The following TLN2 variants were observed in gnomAD, a reference collection of about 807,000 sequenced individuals.
The protein encoded by TLN2 is talin 2.
Under a neutral mutation model 294.7 loss-of-function variants are expected in TLN2, and 118 were observed. That is an observed-to-expected ratio of 0.40 (90% CI 0.34 to 0.47). The LOEUF (loss-of-function observed/expected upper bound fraction) is 0.47. TLN2 is among the 20% of genes least tolerant of loss of function. TLN2 has a pLI of 0.84. For missense variants in TLN2, 3,083 were observed against 3,282.2 expected (o/e 0.94, Z 1.48); for synonymous variants, 1,431 against 1,304.5 (o/e 1.10, Z -2.09).
intron 57 of TLN2, among the ~76,000 whole-genome samples, chr15:62,837,088 T>C (rs2069761815): frequency 6.6e-6 from 1 of 152,264 alleles, no homozygotes; most frequent in Non-Finnish European, 1.5e-5. Context: ...ATTGTCTGTA[T>C]TGCTAAAAGT....
intron 1 of TLN2, among the ~76,000 whole-genome samples, chr15:62,579,130 A>G (rs2044693777): frequency 1.3e-5 from 2 of 152,138 alleles, no homozygotes; most frequent in African/African-American, 4.8e-5. Flanking sequence ...CAATATACTG[A>G]GAAGAGGAAG....
At chr15:62,639,448 C>T (rs1175726983) in intron 3 of TLN2, among the ~76,000 whole-genome samples, 3 of 152,136 alleles carry the variant, frequency 2.0e-5, no homozygotes, top group Non-Finnish European at 4.4e-5. Flanking sequence ...CTCCTTTGTT[C>T]ATTTAGCACT....
In TLN2 at chr15:62,578,549, G is replaced by C. The variant is rs534790328; in HGVS notation, c.-237-11138G>C. The stretch of plus-strand genomic sequence containing the variant: ...CCACTGCACCCCAGCCTGGGTGACA[G>C]AACAAGACTCCGTCTCAAAACAAAC... On this transcript the variant is annotated intron_variant, in intron 1 of 58. Transcript: ENST00000636159. Among the ~76,000 whole-genome samples, 5 of 152,242 alleles carry C rather than the reference G, an allele frequency of 3.3e-5. No homozygotes were observed. In the South Asian group the frequency reaches 1.0e-3, roughly 32 times the overall value.
chr15:62,519,731 T>C (rs1028606015), intron 1 of TLN2, among the ~76,000 whole-genome samples: 1 of 152,200 alleles, frequency 6.6e-6, no homozygotes, highest in African/African-American at 2.4e-5. Flanking sequence ...GACTATAAAA[T>C]TGGCTACACA....
At chr15:62,508,124 C>A (rs970151939) in intron 1 of TLN2, among the ~76,000 whole-genome samples, 1 of 151,992 alleles carries the variant, frequency 6.6e-6, no homozygotes, top group African/African-American at 2.4e-5. Context: ...AATGAAGATA[C>A]CATTTAATCG....
At chr15:62,595,661 A>C (rs139808042) in intron 2 of TLN2, among the ~76,000 whole-genome samples, 51 of 152,358 alleles carry the variant, frequency 3.3e-4, no homozygotes, top group African/African-American at 1.1e-3. Context: ...GAATCAACAT[A>C]AGTGTCCATC....
chr15:62,562,742 A>C (rs1204957076), intron 1 of TLN2, among the ~76,000 whole-genome samples: 1 of 151,922 alleles, frequency 6.6e-6, no homozygotes, highest in East Asian at 1.9e-4. Context: ...TATCATTCTT[A>C]TGCCTTTGCA....
intron 3 of TLN2, among the ~76,000 whole-genome samples, chr15:62,632,302 A>C (rs1195925241): frequency 6.6e-6 from 1 of 152,232 alleles, no homozygotes; most frequent in Non-Finnish European, 1.5e-5. Flanking sequence ...GGAAAGGTCG[A>C]GAAGGCCCCA....
chr15:62,636,147 T>G (rs1407668532), intron 3 of TLN2, among the ~76,000 whole-genome samples: 2 of 152,218 alleles, frequency 1.3e-5, no homozygotes, highest in African/African-American at 4.8e-5. Context: ...GTATTAGTTT[T>G]AATTCTTACA....
At chr15:62,675,094 A>C in intron 10 of TLN2, 123 bp from the exon 11 acceptor site, 1 of 860,558 alleles carries the variant, frequency 1.2e-6, no homozygotes, top group South Asian at 1.7e-5. Flanking sequence ...GGTCTCAGAC[A>C]CAACCATCAC....
rs74541584 is a variant in TLN2 at position 62,833,191 on chromosome 15, A to G, written c.7003-313A>G. ...TAAAAGGGTAAATTTTGTGTTATATATATTGTACCACACATACAAAGAAAA... is the reference window on the plus strand; with the variant it reads ...TAAAAGGGTAAATTTTGTGTTATATGTATTGTACCACACATACAAAGAAAA... On this transcript the variant is annotated intron_variant, in intron 54 of 58. Coordinates refer to ENST00000636159, the MANE Select transcript of TLN2 (RefSeq NM_015059.3). 1,633 of 260,772 alleles carry G rather than the reference A, an allele frequency of 6.3e-3. 110 individuals are homozygous for G. The East Asian group carries it at 0.12, about 19-fold the overall frequency. The allele number at this position is 260,772 out of a possible 1,614,324, so 16.2% of individuals were successfully genotyped here.
At chr15:62,767,570 C>T (rs2047413) in intron 41 of TLN2, among the ~76,000 whole-genome samples, 149,530 of 152,248 alleles carry the variant, frequency 0.98, 73,479 homozygotes, top group Middle Eastern at 1. Flanking sequence ...AACTCCCAAC[C>T]TCAGGTGACC....
At chr15:62,593,485 T>C (rs536244519) in intron 2 of TLN2, among the ~76,000 whole-genome samples, 12 of 152,354 alleles carry the variant, frequency 7.9e-5, no homozygotes, top group African/African-American at 2.9e-4. Flanking sequence ...ATTTTTTGGC[T>C]AATTATGTTC....
chr15:62,435,564 G>A (rs1404671130), intron 1 of TLN2, among the ~76,000 whole-genome samples: 1 of 151,838 alleles, frequency 6.6e-6, no homozygotes, highest in Non-Finnish European at 1.5e-5. Flanking sequence ...TTTTTGAAAT[G>A]GAGTTTTGCT....
intron 3 of TLN2, among the ~76,000 whole-genome samples, chr15:62,619,022 A>C (rs537507753): frequency 6.6e-6 from 1 of 152,198 alleles, no homozygotes; most frequent in South Asian, 2.1e-4. Flanking sequence ...TGTGGCCTAT[A>C]CTATGCCCTG....
At chr15:62,399,950 A>T (rs1342455420) in intron 1 of TLN2, among the ~76,000 whole-genome samples, 2 of 152,140 alleles carry the variant, frequency 1.3e-5, no homozygotes, top group Non-Finnish European at 2.9e-5. Flanking sequence ...ATGTGAGGAC[A>T]TGAGATTTGG....
chr15:62,584,918 C>T (rs1225709488), intron 1 of TLN2, among the ~76,000 whole-genome samples: 1 of 152,160 alleles, frequency 6.6e-6, no homozygotes, highest in Non-Finnish European at 1.5e-5. Flanking sequence ...TCTGCTTTAC[C>T]TGGTCTTAGG....
intron 3 of TLN2, chr15:62,640,512 G>C (rs1411650833): frequency 1.1e-5 from 4 of 372,930 alleles, no homozygotes; most frequent in Non-Finnish European, 2.1e-5. Context: ...CCCCCATTGT[G>C]CCCCCCTAAG....
intron 25 of TLN2, among the ~76,000 whole-genome samples, chr15:62,721,080 C>G (rs368057248): frequency 7.9e-5 from 12 of 152,184 alleles, no homozygotes; most frequent in African/African-American, 2.4e-4. Context: ...TGGTTCCACT[C>G]TGTCCCTGCC....
Sources: allele counts gnomAD v4.1 joint callset (sites outside exome capture counted in the v4.1 genomes callset), GRCh38; gene constraint gnomAD v4.1.1; transcripts MANE v1.5; gene names NCBI Gene and HGNC (gene_info 2026-07-23, HGNC 2026-07-21).